RAP1GAP2: variants seen among roughly 807,000 people sequenced by gnomAD.
RAP1GAP2 encodes the protein rap1 GTPase-activating protein 2.
In RAP1GAP2, 27 loss-of-function variants were observed where a neutral mutation model predicts 95.0. The observed-to-expected ratio is 0.28, with a 90% CI of 0.21 to 0.39. The LOEUF is 0.39. Ranked by LOEUF, RAP1GAP2 falls within the 10% of genes least tolerant of loss-of-function variation. The probability of loss-of-function intolerance (pLI) is 1.00; values close to 1 mark genes in which losing one functional copy is unlikely to be tolerated. For missense variants in RAP1GAP2, 771 were observed against 970.0 expected (o/e 0.79, Z 2.72); for synonymous variants, 373 against 380.9 (o/e 0.98, Z 0.24).
At chr17:2,995,911 G>A (rs896899175) in intron 13 of RAP1GAP2, among the ~76,000 whole-genome samples, 3 of 152,006 alleles carry the variant, frequency 2.0e-5, no homozygotes, top group Admixed American at 1.3e-4. Context: ...ACTTTGGAGC[G>A]TGTGACTCTG....
chr17:3,032,449 G>A lies in RAP1GAP2; in HGVS notation c.*30G>A. ...AAAGTGGAGTCCTTCGCCTGTCCAA[G>A]GTGGGTTGAGTGAATGTCCTGCTGT... On this transcript the variant is annotated splice_region_variant and 3_prime_UTR_variant, in exon 24 of 25. Transcript: ENST00000254695. 3 of 1,613,622 alleles carry A rather than the reference G, an allele frequency of 1.9e-6. No homozygotes were observed. Among genetic ancestry groups the A allele is most frequent in the Non-Finnish European group, 1.7e-6 (2 of 1,179,562 alleles).
At chr17:2,898,906 A>G (rs2041930428) in intron 2 of RAP1GAP2, among the ~76,000 whole-genome samples, 1 of 149,924 alleles carries the variant, frequency 6.7e-6, no homozygotes, top group Non-Finnish European at 1.5e-5. Flanking sequence ...CTGACCACAC[A>G]GTGAATCAGG....
At chr17:2,895,305 T>C (rs1029469783) in intron 2 of RAP1GAP2, among the ~76,000 whole-genome samples, 2 of 151,864 alleles carry the variant, frequency 1.3e-5, no homozygotes, top group Non-Finnish European at 2.9e-5. Flanking sequence ...TGGGATCTCC[T>C]CCCCAGCGGG....
rs370185901 is a variant in RAP1GAP2, at chr17:2,925,198, C to T, written c.165+19830C>T. Reference sequence around the variant, plus strand: ...CTCTGTTCTTTGAAGACATAATGGCCGTGAGGAGGCAAAAACCACAGAAAC... The same window carrying T: ...CTCTGTTCTTTGAAGACATAATGGCTGTGAGGAGGCAAAAACCACAGAAAC... On this transcript the variant is annotated intron_variant, in intron 3 of 24. Transcript: ENST00000254695. Among the ~76,000 whole-genome samples, 22 of 152,114 alleles carry T rather than the reference C, an allele frequency of 1.4e-4. No homozygotes were observed. In the East Asian group the frequency reaches 2.3e-3, roughly 16 times the overall value.
upstream of RAP1GAP2, among the ~76,000 whole-genome samples, chr17:2,776,823 CGGAGGAGGAGGAGGA>C (rs372983882): frequency 0.11 from 16,480 of 144,090 alleles, 1,286 homozygotes; most frequent in East Asian, 0.29. Context: ...CCCGCCGCCC[CGGAGGAGGAGGAGGA>C]GGAGGAGGAG....
chr17:2,824,214 G>A (rs1485694018), intron 2 of RAP1GAP2, among the ~76,000 whole-genome samples: 12 of 151,536 alleles, frequency 7.9e-5, no homozygotes, highest in Admixed American at 6.6e-4. Context: ...TTGGGAGGCC[G>A]AGGCAGATGG....
intron 3 of RAP1GAP2, among the ~76,000 whole-genome samples, chr17:2,951,529 G>C (rs1227195233): frequency 6.6e-6 from 1 of 151,668 alleles, no homozygotes; most frequent in African/African-American, 2.4e-5. Context: ...AACCAGCCTG[G>C]GCAACATGAT....
At chr17:2,862,656 G>A (rs915528020) in intron 2 of RAP1GAP2, among the ~76,000 whole-genome samples, 5 of 152,068 alleles carry the variant, frequency 3.3e-5, no homozygotes, top group Non-Finnish European at 7.3e-5. Flanking sequence ...AATGAATCCT[G>A]GCAAGTGATA....
chr17:2,985,804 A>G (rs2045538345), intron 11 of RAP1GAP2, among the ~76,000 whole-genome samples: 1 of 152,022 alleles, frequency 6.6e-6, no homozygotes. Context: ...GGCTTAAAGA[A>G]CCCCCAAGGT....
At chr17:2,814,050 C>T (rs758645202) in intron 2 of RAP1GAP2, among the ~76,000 whole-genome samples, 6 of 152,138 alleles carry the variant, frequency 3.9e-5, no homozygotes, top group Admixed American at 2.0e-4. Context: ...TCCCCGACTC[C>T]GTTGAAAACT....
intron 2 of RAP1GAP2, among the ~76,000 whole-genome samples, chr17:2,865,196 G>T (rs917085607): frequency 4.6e-5 from 7 of 152,170 alleles, no homozygotes; most frequent in Non-Finnish European, 1.0e-4. Context: ...ACAGTCCAAT[G>T]AAGTAGATTG....
intron 8 of RAP1GAP2, among the ~76,000 whole-genome samples, chr17:2,978,751 T>C (rs2045230412): frequency 6.6e-6 from 1 of 151,844 alleles, no homozygotes; most frequent in Admixed American, 6.6e-5. Flanking sequence ...CTGGCCAACA[T>C]AGTGAAACCC....
intron 1 of RAP1GAP2, among the ~76,000 whole-genome samples, chr17:2,781,141 C>T (rs1328385704): frequency 6.6e-6 from 1 of 152,238 alleles, no homozygotes; most frequent in Non-Finnish European, 1.5e-5. Flanking sequence ...GCAGCTTGCT[C>T]TCAGGGCCAG....
intron 11 of RAP1GAP2, among the ~76,000 whole-genome samples, chr17:2,989,727 C>T (rs66508446): frequency 0.18 from 27,854 of 151,840 alleles, 3,005 homozygotes; most frequent in South Asian, 0.45. Flanking sequence ...TTGAGCACAT[C>T]AGCATAATTC....
In RAP1GAP2 at chr17:2,796,670, C is replaced by A; in HGVS notation, c.44+99C>A. 7.2e-7 allele frequency: 1 copy of A among 1,393,490 alleles called. No individual in the cohort carries two copies. Among genetic ancestry groups the A allele is most frequent in the Non-Finnish European group, 1.0e-6 (1 of 1,004,352 alleles). The allele number at this position is 1,393,490 out of a possible 1,614,324, so 86.3% of individuals were successfully genotyped here. ...GGCCGTGGGAACAGAGGGGCTCGGG[C>A]TGTGCCTGAGAGCTGGGTCTGCTGA... is the stretch of plus-strand genomic sequence containing the variant. On this transcript the variant is annotated intron_variant, in intron 1 of 24. Transcript: ENST00000254695. This position sits in a 1 kb window ranked among gnomAD's most constrained non-coding sequence, Gnocchi z 4.7.
In RAP1GAP2 at chr17:3,005,309, C is replaced by T. The variant is rs2046298220; in HGVS notation, c.1201-60C>T. 1 of 1,515,608 alleles carries T rather than the reference C, an allele frequency of 6.6e-7. No homozygotes were observed. Among genetic ancestry groups the T allele is most frequent in the Non-Finnish European group, 9.2e-7 (1 of 1,090,420 alleles). 93.9% of individuals were successfully genotyped at this position (1,515,608 alleles called of 1,614,324 possible). ...AGTAGCTTTGTAAGGAGCGTGGCTCCCGTAGGGGCAGCGCTCGTCTCTTCC... is the reference window on the plus strand; with the variant it reads ...AGTAGCTTTGTAAGGAGCGTGGCTCTCGTAGGGGCAGCGCTCGTCTCTTCC... On this transcript the variant is annotated intron_variant, in intron 14 of 24. Transcript: ENST00000254695. The surrounding 1 kb of genome is among the most constrained non-coding windows in gnomAD (Gnocchi z 5.2).
chr17:2,977,858 A>C (rs184140119), intron 8 of RAP1GAP2, among the ~76,000 whole-genome samples: 1 of 152,298 alleles, frequency 6.6e-6, no homozygotes, highest in African/African-American at 2.4e-5. Context: ...AAAATAAAAA[A>C]TAGGCCAGTG....
chr17:2,872,594 G>A (rs1257804634), intron 2 of RAP1GAP2, among the ~76,000 whole-genome samples: 2 of 152,114 alleles, frequency 1.3e-5, no homozygotes, highest in Non-Finnish European at 2.9e-5. Flanking sequence ...AGTCATGCGC[G>A]AGGGCCTTTT....
At chr17:2,896,935 G>A (rs1445065068) in intron 2 of RAP1GAP2, among the ~76,000 whole-genome samples, 1 of 152,222 alleles carries the variant, frequency 6.6e-6, no homozygotes, top group Non-Finnish European at 1.5e-5. Flanking sequence ...CTCATCTCCT[G>A]CACAGCCTGG....
Sources: allele counts gnomAD v4.1 joint callset (sites outside exome capture counted in the v4.1 genomes callset), GRCh38; gene constraint gnomAD v4.1.1; non-coding constraint Gnocchi (gnomAD v3.1); transcripts MANE v1.5; gene names NCBI Gene and HGNC (gene_info 2026-07-23, HGNC 2026-07-21).